PAK4: variants seen among roughly 807,000 people sequenced by gnomAD.
PAK4 encodes the protein serine/threonine-protein kinase PAK 4.
PAK4 carries 49 observed loss-of-function variants against 53.5 expected under a neutral mutation model. The ratio of observed to expected loss-of-function variants is 0.92; its 90% CI spans 0.73 to 1.16. The LOEUF is 1.16. Among genes scored for constraint, PAK4 ranks in the 50% most tolerant of loss-of-function variants. PAK4 has a pLI of 0.00. For synonymous variants in PAK4, 376 were observed against 375.6 expected (o/e 1.00, Z -0.01); for missense variants, 824 against 850.7 (o/e 0.97, Z 0.39).
At chr19:39,170,142 G>A (rs776536870) in intron 2 of PAK4, among the ~76,000 whole-genome samples, 10 of 152,182 alleles carry the variant, frequency 6.6e-5, no homozygotes, top group Non-Finnish European at 1.2e-4. Context: ...CCCATTCCCA[G>A]AGGGTGACAG....
chr19:39,163,729 G>C (rs1463228803), intron 1 of PAK4, among the ~76,000 whole-genome samples: 1 of 152,218 alleles, frequency 6.6e-6, no homozygotes, highest in Non-Finnish European at 1.5e-5. Flanking sequence ...CTGTGCCCCG[G>C]CTGGGGCAGA....
rs554682011 is a variant in PAK4 at position 39,161,858 on chromosome 19, C to T, written c.-22-7674C>T. Among the ~76,000 whole-genome samples, 4 of 152,254 alleles carry T rather than the reference C, an allele frequency of 2.6e-5. No individual in the cohort carries two copies. The highest frequency in any genetic ancestry group is 9.6e-5 in the African/African-American group (4 of 41,562). ...TCCTTCCTCCTGGGCTGCCCTTCCT[C>T]CAGAGCCCTACATGGCTCCCTCTCC... is the stretch of plus-strand genomic sequence containing the variant. On this transcript the variant is annotated intron_variant, in intron 1 of 8. Coordinates refer to ENST00000358301, the Ensembl canonical transcript of PAK4. This position sits in a 1 kb window ranked among gnomAD's most constrained non-coding sequence, Gnocchi z 4.5.
At chr19:39,172,197 C>A (rs910537331) in intron 2 of PAK4, among the ~76,000 whole-genome samples, 4 of 148,508 alleles carry the variant, frequency 2.7e-5, no homozygotes, top group African/African-American at 1.0e-4. Context: ...CAGAGGGAGC[C>A]GCCAGCGGAG....
downstream of PAK4, chr19:39,182,087 C>T (rs1298662351): frequency 1.3e-5 from 2 of 152,234 alleles, no homozygotes; most frequent in African/African-American, 4.8e-5. Flanking sequence ...CTGCGATCCA[C>T]GACTGCCCTC....
At position 39,175,098 on chromosome 19, in the gene PAK4, C is replaced by T. The variant is rs368773814; in HGVS notation, c.1232+34C>T. ...GGGGCCTCAGACCCCTCCTGTGACA[C>T]GACCAAGTCCCCTCCAGACCACTAG... On this transcript the variant is annotated intron_variant, in intron 5 of 8. Transcript: ENST00000358301. This position sits in a 1 kb window ranked among gnomAD's most constrained non-coding sequence, Gnocchi z 4.7. The T allele has an allele frequency of 1.5e-5, 24 of 1,581,778 alleles. No individual in the cohort carries two copies. Among genetic ancestry groups the T allele is most frequent in the African/African-American group, 9.4e-5 (7 of 74,482 alleles).
chr19:39,174,157 C>G, intron 4 of PAK4, 147 bp downstream of exon 5: 1 of 626,968 alleles, frequency 1.6e-6, no homozygotes, highest in Non-Finnish European at 2.8e-6. Flanking sequence ...CAGGCCGTCT[C>G]GTCCGCCCCA....
At chr19:39,169,438 C>T (rs1343537184) in intron 1 of PAK4, 94 bp from the exon 3 acceptor site, 25 of 897,274 alleles carry the variant, frequency 2.8e-5, no homozygotes, top group East Asian at 7.6e-5. Flanking sequence ...CTGTTGGTCC[C>T]GGTGTAAGAT....
At chr19:39,148,876 T>C (rs983861144) in intron 1 of PAK4, among the ~76,000 whole-genome samples, 2 of 152,168 alleles carry the variant, frequency 1.3e-5, no homozygotes, top group African/African-American at 4.8e-5. Context: ...CCGTTTGGCA[T>C]GTGGATGTCC....
chr19:39,163,328 C>T (rs1267867889), intron 1 of PAK4, among the ~76,000 whole-genome samples: 1 of 152,186 alleles, frequency 6.6e-6, no homozygotes. Flanking sequence ...TGCCCCTGGG[C>T]CCCTGTGTTC....
chr19:39,154,961 C>T (rs1385067496), intron 1 of PAK4, among the ~76,000 whole-genome samples: 1 of 152,202 alleles, frequency 6.6e-6, no homozygotes, highest in Non-Finnish European at 1.5e-5. Flanking sequence ...GAGTTCCAGG[C>T]CCTGAGAGCA....
Position 39,173,151 on chromosome 19 carries a change from C to A in PAK4, c.438C>A (p.Gly146=). 1 of 1,541,068 alleles carries A rather than the reference C, an allele frequency of 6.5e-7. No individual in the cohort carries two copies. Among genetic ancestry groups the A allele is most frequent in the Non-Finnish European group, 8.8e-7 (1 of 1,141,134 alleles). The change falls in exon 3 of 9, where the codon GGC becomes GGA. Residue 146 remains glycine (G), a synonymous_variant. Coordinates refer to ENST00000358301, the Ensembl canonical transcript of PAK4. The surrounding 1 kb of genome is among the most constrained non-coding windows in gnomAD (Gnocchi z 6.9). ...TCGCCGGTCACAGCGAGGCGGGTGG[C>A]GGCAGTGGTGACAGGCGACGGGCGG...
downstream of PAK4, chr19:39,181,173 G>C (rs1028808010): frequency 1.3e-5 from 2 of 152,224 alleles, no homozygotes; most frequent in African/African-American, 2.4e-5. Flanking sequence ...CGAACTCCTG[G>C]CCTCAAGGGA....
In PAK4 at chr19:39,173,943, G is replaced by A; in HGVS notation, c.1031G>A (p.Gly344Asp). 6.2e-7 allele frequency: 1 copy of A among 1,610,972 alleles called. No individual in the cohort carries two copies. The highest frequency in any genetic ancestry group is 8.5e-7 in the Non-Finnish European group (1 of 1,179,380). Residue 344 changes from glycine (G) to aspartate (D), a missense_variant, in exon 4 of 9, where the codon GGC becomes GAC. Physicochemically the swap from Gly to Asp is moderately conservative, Grantham distance 94. Coordinates refer to ENST00000358301, the Ensembl canonical transcript of PAK4. This position sits in a 1 kb window ranked among gnomAD's most constrained non-coding sequence, Gnocchi z 6.9. ...TGCATCGCCACCGTGCGCAGCTCGG[G>A]CAAGCTGGTGGCCGTCAAGAAGATG...
chr19:39,140,901 A>G (rs559231750), intron 1 of PAK4, among the ~76,000 whole-genome samples: 65 of 152,230 alleles, frequency 4.3e-4, no homozygotes, highest in African/African-American at 1.5e-3. Flanking sequence ...CTGCTGTGTG[A>G]TGCTCAGAAC....
rs1055115228 is a variant in PAK4, at chr19:39,161,565, G to A, written c.-22-7967G>A. Among the ~76,000 whole-genome samples the A allele has an allele frequency of 2.0e-5, 3 of 150,044 alleles. No homozygotes were observed. The highest frequency in any genetic ancestry group is 4.4e-5 in the Non-Finnish European group (3 of 67,616). On this transcript the variant is annotated intron_variant, in intron 1 of 8. Transcript: ENST00000358301. This position sits in a 1 kb window ranked among gnomAD's most constrained non-coding sequence, Gnocchi z 4.5. ...CTCCTCCTCCCTGGTCCCCCTTTCC[G>A]TTCTGCCCCCACAGACTGTTCCCAG...
rs1217296880 is a variant in PAK4, at chr19:39,173,902, C to T, written c.990C>T (p.Gly330=). ...ACAACTTCATCAAGATTGGCGAGGG[C>T]TCCACGGGCATCGTGTGCATCGCCA... Residue 330 remains glycine, a synonymous_variant, in exon 4 of 9, where the codon GGC becomes GGT. Transcript: ENST00000358301. This position sits in a 1 kb window ranked among gnomAD's most constrained non-coding sequence, Gnocchi z 6.9. 1 of 1,612,324 alleles carries T rather than the reference C, an allele frequency of 6.2e-7. No homozygotes were observed. The highest frequency in any genetic ancestry group is 2.2e-5 in the East Asian group (1 of 44,838).
intron 1 of PAK4, among the ~76,000 whole-genome samples, chr19:39,127,998 A>G (rs571316802): frequency 6.6e-6 from 1 of 152,124 alleles, no homozygotes; most frequent in Admixed American, 6.5e-5. Flanking sequence ...CTTTGGAGGG[A>G]CGGTGGGAGC....
At chr19:39,149,353 G>A (rs2074057005) in intron 1 of PAK4, among the ~76,000 whole-genome samples, 1 of 152,236 alleles carries the variant, frequency 6.6e-6, no homozygotes, top group Admixed American at 6.5e-5. Flanking sequence ...CATGTGGATG[G>A]TCTTGAAAAC....
chr19:39,136,153 C>T (rs1015574637), intron 1 of PAK4, among the ~76,000 whole-genome samples: 1 of 136,324 alleles, frequency 7.3e-6, no homozygotes, highest in Admixed American at 7.9e-5. Context: ...TACCCTTCTT[C>T]CTCGTGGCCC....
Sources: gnomAD v4.1 joint callset for allele counts (sites outside exome capture counted in the v4.1 genomes callset) on GRCh38, gnomAD v4.1.1 for gene constraint, Gnocchi (gnomAD v3.1) non-coding constraint, MANE v1.5 for transcripts, NCBI Gene and HGNC (gene_info 2026-07-23, HGNC 2026-07-21) for gene names.